Variants in ZNF429 observed in about 807,000 individuals in gnomAD.
ZNF429 encodes zinc finger protein 429.
ZNF429 carries 53 observed loss-of-function variants against 56.8 expected under a neutral mutation model. That is an observed-to-expected ratio of 0.93 (90% confidence interval 0.75 to 1.17). ZNF429 has a LOEUF of 1.17. ZNF429 is among the 50% of genes most tolerant of loss of function. The pLI, the probability that ZNF429 is intolerant of heterozygous loss-of-function variation, is 0.00. For synonymous variants in ZNF429, 278 were observed against 264.7 expected (o/e 1.05, Z -0.49); for missense variants, 849 against 788.4 (o/e 1.08, Z -0.92).
intron 1 of ZNF429, among the ~76,000 whole-genome samples, chr19:21,508,651 C>T (rs1375969271): frequency 6.6e-6 from 1 of 150,474 alleles, no homozygotes; most frequent in Non-Finnish European, 1.5e-5. Flanking sequence ...GTTAAAAATT[C>T]TCATGTACCT....
At chr19:21,535,485 TTTCTTTCTTTC>T in intron 3 of ZNF429, among the ~76,000 whole-genome samples, 8 of 124,384 alleles carry the variant, frequency 6.4e-5, no homozygotes, top group South Asian at 2.6e-4. Flanking sequence ...TCTTTCTTTC[TTTCTTTCTTTC>T]TTCTTTCTTT....
chr19:21,508,807 A>G (rs2032313336), intron 1 of ZNF429, among the ~76,000 whole-genome samples: 1 of 152,146 alleles, frequency 6.6e-6, no homozygotes, highest in African/African-American at 2.4e-5. Context: ...TTGGCTGTAG[A>G]AAATGAATGC....
rs1266036427 is a variant in ZNF429, at chr19:21,540,464, G to A, written c.*2386G>A. ...TGCAAATCTGGCATATTTTGATAGA[G>A]GCATACAATATGTAATAATTACATC... On this transcript the variant is annotated 3_prime_UTR_variant, in exon 4 of 4. Coordinates refer to ENST00000358491, the MANE Select transcript of ZNF429 (RefSeq NM_001001415.4). Among the ~76,000 whole-genome samples the A allele has an allele frequency of 6.6e-6, 1 of 151,590 alleles. No individual in the cohort carries two copies. The highest frequency in any genetic ancestry group is 1.5e-5 in the Non-Finnish European group (1 of 67,896).
At chr19:21,512,052 CAGAGGGAGACCATGGAAAGAGGG>C (rs1568412533) in intron 1 of ZNF429, among the ~76,000 whole-genome samples, 2 of 152,146 alleles carry the variant, frequency 1.3e-5, no homozygotes, top group African/African-American at 2.4e-5. Flanking sequence ...GGCTCAGCAT[CAGAGGGAGACCATGGAAAGAGGG>C]AGAGGGAGAC....
At chr19:21,509,088 A>G (rs1213069572) in intron 1 of ZNF429, among the ~76,000 whole-genome samples, 2 of 151,010 alleles carry the variant, frequency 1.3e-5, no homozygotes, top group Admixed American at 6.6e-5. Flanking sequence ...GGCTCACTGC[A>G]ACTTCTGCCT....
chr19:21,531,131 C>CA, intron 3 of ZNF429, among the ~76,000 whole-genome samples: 95 of 44,762 alleles, frequency 2.1e-3, no homozygotes, highest in Non-Finnish European at 3.2e-3. Flanking sequence ...AAAAAAAAAC[C>CA]AAAAAAAAAA....
intron 1 of ZNF429, among the ~76,000 whole-genome samples, chr19:21,511,419 C>T (rs1379868593): frequency 1.8e-4 from 27 of 151,168 alleles, no homozygotes; most frequent in Middle Eastern, 6.9e-3. Context: ...CGGGCAGAGG[C>T]GCTCCTCACA....
chr19:21,539,976 T>A lies in ZNF429; in HGVS notation c.*1898T>A, dbSNP rs192529717. Among the ~76,000 whole-genome samples, 8 of 152,228 alleles carry A rather than the reference T, an allele frequency of 5.3e-5. No homozygotes were observed. The highest frequency in any genetic ancestry group is 1.9e-4 in the African/African-American group (8 of 41,540). ...ATCTAAGTGGAGAGGCTCTTTGTGG[T>A]TAACTTATTGAGTGATGTATGAGGT... On this transcript the variant is annotated 3_prime_UTR_variant, in exon 4 of 4. Coordinates refer to ENST00000358491, the MANE Select transcript of ZNF429 (RefSeq NM_001001415.4).
rs1206186776 is a variant in ZNF429 at position 21,539,602 on chromosome 19, T to C, written c.*1524T>C. Among the ~76,000 whole-genome samples the C allele has an allele frequency of 6.6e-6, 1 of 151,084 alleles. No homozygotes were observed. Among genetic ancestry groups the C allele is most frequent in the East Asian group, 1.9e-4 (1 of 5,144 alleles). On this transcript the variant is annotated 3_prime_UTR_variant, in exon 4 of 4. Transcript: ENST00000358491. ...ATGTCTGGCTATTTTTTTTTTTTTTTGTATTTTTAGTAGAGATGAGATTTC... is the reference window on the plus strand; with the variant it reads ...ATGTCTGGCTATTTTTTTTTTTTTTCGTATTTTTAGTAGAGATGAGATTTC...
chr19:21,515,011 G>A (rs905673782), intron 1 of ZNF429, among the ~76,000 whole-genome samples: 16 of 150,990 alleles, frequency 1.1e-4, no homozygotes, highest in Admixed American at 3.3e-4. Context: ...CGTGATCCCC[G>A]CTCACTGCAG....
intron 2 of ZNF429, among the ~76,000 whole-genome samples, chr19:21,530,084 G>A: frequency 2.6e-5 from 4 of 151,896 alleles, no homozygotes; most frequent in African/African-American, 9.7e-5. Context: ...CCAGCTACTC[G>A]GGAGGCTGAG....
Position 21,539,629 on chromosome 19 carries a change from C to T in ZNF429, c.*1551C>T, listed in dbSNP as rs906418029. Among the ~76,000 whole-genome samples the T allele has an allele frequency of 1.3e-5, 2 of 150,158 alleles. No homozygotes were observed. Among genetic ancestry groups the T allele is most frequent in the South Asian group, 2.1e-4 (1 of 4,754 alleles). ...TATTTTTAGTAGAGATGAGATTTCA[C>T]CATTTTGTCCAGGGTGGTCTCAAAC... On this transcript the variant is annotated 3_prime_UTR_variant, in exon 4 of 4. Transcript: ENST00000358491.
chr19:21,507,819 C>T (rs1304761251), intron 1 of ZNF429: 1 of 152,584 alleles, frequency 6.6e-6, no homozygotes, highest in African/African-American at 2.4e-5. Flanking sequence ...AAAGCTAACC[C>T]CTTCAGATGT....
In ZNF429 at chr19:21,513,071, C is replaced by T. The variant is rs543907303; in HGVS notation, c.3+7297C>T. 5.7e-4 allele frequency among the ~76,000 whole-genome samples: 87 copies of T among 152,094 alleles called. 2 individuals carry two copies. Among genetic ancestry groups the T allele is most frequent in the Middle Eastern group, 3.4e-3 (1 of 294 alleles). ...ATTTTTCAGTAGAGACAGGGTTTCA[C>T]TATGTCAGCCAGGATGGTCTCGATC... On this transcript the variant is annotated intron_variant, in intron 1 of 3. Coordinates refer to ENST00000358491, the MANE Select transcript of ZNF429 (RefSeq NM_001001415.4).
Position 21,537,885 on chromosome 19 carries a change from A to G in ZNF429, c.1832A>G (p.His611Arg), listed in dbSNP as rs370582467. Residue 611 changes from histidine (H) to arginine (R), a missense_variant, in exon 4 of 4, where the codon CAT becomes CGT. Physicochemically the swap from His to Arg is conservative, Grantham distance 29. Transcript: ENST00000358491. ...AFNRSSRLTQHKKIHTREKPY... is the reference protein window; with the variant it reads ...AFNRSSRLTQRKKIHTREKPY... ...AATCGGTCCTCAAGACTTACTCAACATAAGAAAATTCATACTAGAGAGAAA... is the reference window on the plus strand; with the variant it reads ...AATCGGTCCTCAAGACTTACTCAACGTAAGAAAATTCATACTAGAGAGAAA... 13 of 1,613,952 alleles carry G rather than the reference A, an allele frequency of 8.1e-6. No individual in the cohort carries two copies. The highest frequency in any genetic ancestry group is 1.7e-5 in the Admixed American group (1 of 59,976).
intron 3 of ZNF429, among the ~76,000 whole-genome samples, chr19:21,535,048 C>T: frequency 1.3e-5 from 2 of 148,768 alleles, no homozygotes; most frequent in African/African-American, 5.0e-5. Flanking sequence ...GGGATGGTCT[C>T]GATCTCCTGA....
chr19:21,512,693 G>A (rs914735596), intron 1 of ZNF429, among the ~76,000 whole-genome samples: 63 of 143,400 alleles, frequency 4.4e-4, no homozygotes, highest in Non-Finnish European at 7.9e-4. Flanking sequence ...AAGGAGGAAA[G>A]AATGCCTTAA....
At chr19:21,533,510 G>A in intron 3 of ZNF429, among the ~76,000 whole-genome samples, 14 of 150,534 alleles carry the variant, frequency 9.3e-5, no homozygotes, top group East Asian at 3.9e-4. Flanking sequence ...AAGAAAATGC[G>A]GCCAAGTCCA....
chr19:21,536,720 T>C lies in ZNF429; in HGVS notation c.667T>C (p.Tyr223His), dbSNP rs1197728205. The change falls in exon 4 of 4, where the codon TAT becomes CAT. Residue 223 changes from tyrosine to histidine, a missense_variant. Tyr to His is a moderately conservative substitution (Grantham distance 83). Coordinates refer to ENST00000358491, the MANE Select transcript of ZNF429 (RefSeq NM_001001415.4). ...SSALTNHKRI[Y>H]VGEKHYRCEE... The stretch of plus-strand genomic sequence containing the variant: ...AGCCCTTACTAACCATAAGAGAATT[T>C]ATGTTGGTGAGAAACACTACAGATG... 1 of 1,613,770 alleles carries C rather than the reference T, an allele frequency of 6.2e-7. No individual in the cohort carries two copies. The highest frequency in any genetic ancestry group is 8.5e-7 in the Non-Finnish European group (1 of 1,179,952).
Sources: allele counts gnomAD v4.1 joint callset (sites outside exome capture counted in the v4.1 genomes callset), GRCh38; gene constraint gnomAD v4.1.1; transcripts MANE v1.5; gene names NCBI Gene and HGNC (gene_info 2026-07-23, HGNC 2026-07-21).